CTNNA2: variants seen among roughly 807,000 people sequenced by gnomAD.
CTNNA2 encodes the protein catenin alpha-2.
CTNNA2 carries 42 observed loss-of-function variants against 101.0 expected under a neutral mutation model. That is an observed-to-expected ratio of 0.42 (90% CI 0.32 to 0.54). CTNNA2 has a LOEUF of 0.54. Ranked by LOEUF, CTNNA2 falls within the 20% of genes least tolerant of loss-of-function variation. The probability of loss-of-function intolerance (pLI) is 0.14; values close to 1 mark genes in which losing one functional copy is unlikely to be tolerated. For synonymous variants in CTNNA2, 450 were observed against 456.4 expected (o/e 0.99, Z 0.18); for missense variants, 871 against 1,223.1 (o/e 0.71, Z 4.29).
chr2:80,456,411 A>G (rs1281399597), intron 9 of CTNNA2, among the ~76,000 whole-genome samples: 2 of 152,168 alleles, frequency 1.3e-5, no homozygotes, highest in Non-Finnish European at 2.9e-5. Context: ...CAACTGATGT[A>G]GTCTCAGTAC....
At chr2:79,349,417 G>C (rs1379903753) in intron 3 of CTNNA2, among the ~76,000 whole-genome samples, 1 of 152,080 alleles carries the variant, frequency 6.6e-6, no homozygotes, top group Non-Finnish European at 1.5e-5. Flanking sequence ...AATCTCTAGG[G>C]TTAGGGCTAA....
chr2:80,463,118 T>C (rs2149475185), intron 9 of CTNNA2, among the ~76,000 whole-genome samples: 1 of 152,286 alleles, frequency 6.6e-6, no homozygotes, highest in South Asian at 2.1e-4. Flanking sequence ...CTGACCTTTT[T>C]CTGAAAATCT....
At chr2:80,561,024 A>G (rs1047638204) in intron 12 of CTNNA2, among the ~76,000 whole-genome samples, 3 of 152,116 alleles carry the variant, frequency 2.0e-5, no homozygotes, top group African/African-American at 7.2e-5. Flanking sequence ...ATCAATGGGA[A>G]ATCATCTGAT....
intron 7 of CTNNA2, among the ~76,000 whole-genome samples, chr2:80,036,391 C>T (rs1172442676): frequency 6.6e-6 from 1 of 152,042 alleles, no homozygotes; most frequent in Non-Finnish European, 1.5e-5. Context: ...GCCAGGAGTT[C>T]CAGACCATCC....
In CTNNA2 at chr2:79,963,195, G is replaced by T. The variant is rs190223471; in HGVS notation, c.1056+53398G>T. Among the ~76,000 whole-genome samples, 137 of 151,452 alleles carry T rather than the reference G, an allele frequency of 9.0e-4. 1 individual carries two copies. Among genetic ancestry groups the T allele is most frequent in the Non-Finnish European group, 1.6e-3 (109 of 67,962 alleles). On this transcript the variant is annotated intron_variant, in intron 7 of 18. Transcript: ENST00000402739. ...TCCAATTTACTTTTGCAAATAAAAT[G>T]CCCTGAAGTCTCACATTACTCCTAT...
chr2:79,648,028 T>G (rs1156363778), intron 1 of CTNNA2, among the ~76,000 whole-genome samples: 3 of 152,172 alleles, frequency 2.0e-5, no homozygotes, highest in Admixed American at 6.5e-5. Context: ...TAGCCAAAGC[T>G]CAATAGCAAT....
intron 7 of CTNNA2, among the ~76,000 whole-genome samples, chr2:80,205,018 A>G (rs1249947629): frequency 6.6e-6 from 1 of 152,118 alleles, no homozygotes; most frequent in Non-Finnish European, 1.5e-5. Context: ...CAAGAACAGC[A>G]TGAGAAAGAC....
chr2:79,589,377 T>C (rs931925236), intron 1 of CTNNA2, among the ~76,000 whole-genome samples: 1 of 152,212 alleles, frequency 6.6e-6, no homozygotes, highest in African/African-American at 2.4e-5. Context: ...GTCAGTTTTC[T>C]TCATTACAAT....
intron 2 of CTNNA2, among the ~76,000 whole-genome samples, chr2:79,288,989 T>G (rs1675710157): frequency 6.6e-6 from 1 of 152,212 alleles, no homozygotes; most frequent in African/African-American, 2.4e-5. Context: ...CTATAGGCAT[T>G]ATGTCTGACA....
intron 7 of CTNNA2, among the ~76,000 whole-genome samples, chr2:80,125,085 G>A (rs1702043053): frequency 6.6e-6 from 1 of 152,218 alleles, no homozygotes. Context: ...AACCAGTTTG[G>A]ATGAGAACCA....
chr2:79,758,282 A>G (rs1298090777), intron 3 of CTNNA2, among the ~76,000 whole-genome samples: 1 of 152,178 alleles, frequency 6.6e-6, no homozygotes, highest in Non-Finnish European at 1.5e-5. Flanking sequence ...ACCAGATAAG[A>G]TTGTTGAAGA....
chr2:79,665,137 AT>A (rs1333967106), intron 2 of CTNNA2, among the ~76,000 whole-genome samples: 5 of 151,988 alleles, frequency 3.3e-5, no homozygotes, highest in African/African-American at 9.7e-5. Context: ...TGGGTCTCTC[AT>A]TTCACAAGTG....
At chr2:80,441,970 G>T (rs1295840392) in intron 9 of CTNNA2, among the ~76,000 whole-genome samples, 1 of 152,222 alleles carries the variant, frequency 6.6e-6, no homozygotes, top group Non-Finnish European at 1.5e-5. Flanking sequence ...AGTCCTCCAT[G>T]GGCAGGTGGC....
At chr2:80,510,345 C>T (rs1688614481) in intron 9 of CTNNA2, among the ~76,000 whole-genome samples, 1 of 152,190 alleles carries the variant, frequency 6.6e-6, no homozygotes, top group Non-Finnish European at 1.5e-5. Flanking sequence ...CAGACCTCAT[C>T]ATCTTTCATT....
At chr2:80,554,486 T>C (rs1323034227) in intron 11 of CTNNA2, among the ~76,000 whole-genome samples, 1 of 152,196 alleles carries the variant, frequency 6.6e-6, no homozygotes, top group Non-Finnish European at 1.5e-5. Flanking sequence ...TTATGTCTCA[T>C]GGTTCTGGAG....
At chr2:80,438,300 T>C (rs2149437427) in intron 9 of CTNNA2, among the ~76,000 whole-genome samples, 1 of 152,296 alleles carries the variant, frequency 6.6e-6, no homozygotes, top group African/African-American at 2.4e-5. Context: ...CTTAATCACC[T>C]GTTTAAAGAC....
intron 7 of CTNNA2, among the ~76,000 whole-genome samples, chr2:80,132,776 T>C (rs2148896964): frequency 6.6e-6 from 1 of 152,284 alleles, no homozygotes; most frequent in Middle Eastern, 3.4e-3. Context: ...TCTATTTTGT[T>C]TATGTATATT....
intron 3 of CTNNA2, among the ~76,000 whole-genome samples, chr2:79,327,657 C>CTAG (rs1365252175): frequency 6.6e-6 from 1 of 152,014 alleles, no homozygotes; most frequent in Non-Finnish European, 1.5e-5. Context: ...CTAAAAGGGA[C>CTAG]ACTAGGTGGC....
chr2:79,565,674 C>G (rs1675068104), intron 1 of CTNNA2, among the ~76,000 whole-genome samples: 1 of 152,068 alleles, frequency 6.6e-6, no homozygotes, highest in African/African-American at 2.4e-5. Context: ...TATTCTCAGG[C>G]TTTGTGCAAT....
Sources: gnomAD v4.1 joint callset for allele counts (sites outside exome capture counted in the v4.1 genomes callset) on GRCh38, gnomAD v4.1.1 for gene constraint, MANE v1.5 for transcripts, NCBI Gene and HGNC (gene_info 2026-07-23, HGNC 2026-07-21) for gene names.